CDH18: variants seen among roughly 807,000 people sequenced by gnomAD.
CDH18 encodes the protein cadherin-18.
Under a neutral mutation model 67.9 loss-of-function variants are expected in CDH18, and 31 were observed. The ratio of observed to expected loss-of-function variants is 0.46; its 90% CI spans 0.34 to 0.62. The LOEUF is 0.62. Ranked by LOEUF, CDH18 falls within the 20% of genes least tolerant of loss-of-function variation. The pLI is 0.01. For synonymous variants in CDH18, 362 were observed against 347.2 expected, an observed-to-expected ratio of 1.04 and a Z score of -0.48; for missense variants, 890 against 975.5, an observed-to-expected ratio of 0.91 and a Z score of 1.17.
intron 1 of CDH18, among the ~76,000 whole-genome samples, chr5:20,350,649 T>C (rs533418784): frequency 1.7e-4 from 26 of 152,224 alleles, no homozygotes; most frequent in Admixed American, 1.1e-3. Context: ...TTTCATGACT[T>C]TTATGGGTTT....
chr5:19,930,249 C>A (rs772219780), intron 2 of CDH18, among the ~76,000 whole-genome samples: 2 of 152,034 alleles, frequency 1.3e-5, no homozygotes, highest in African/African-American at 2.4e-5. Context: ...CTCAGGGAAT[C>A]TACTGCCAAA....
intron 11 of CDH18, among the ~76,000 whole-genome samples, chr5:19,493,243 C>T (rs557669016): frequency 2.3e-4 from 35 of 152,146 alleles, no homozygotes; most frequent in Admixed American, 3.9e-4. Context: ...TCATATCATC[C>T]TCATTTCCCC....
chr5:20,135,652 C>G (rs576637204), intron 2 of CDH18, among the ~76,000 whole-genome samples: 4 of 152,052 alleles, frequency 2.6e-5, no homozygotes, highest in Admixed American at 6.6e-5. Context: ...TGTGTTTGCT[C>G]TTGCTTCTTT....
At chr5:19,667,507 T>TACACACAC (rs35326145) in intron 5 of CDH18, among the ~76,000 whole-genome samples, 1 of 129,234 alleles carries the variant, frequency 7.7e-6, no homozygotes, top group African/African-American at 3.1e-5. Context: ...TATATATATA[T>TACACACAC]ACACACACAC....
At chr5:19,533,522 A>G (rs1449268397) in intron 9 of CDH18, among the ~76,000 whole-genome samples, 1 of 152,156 alleles carries the variant, frequency 6.6e-6, no homozygotes, top group African/African-American at 2.4e-5. Context: ...AGATGTTTTC[A>G]GGTTTTGTTT....
At position 19,781,822 on chromosome 5, in the gene CDH18, G is replaced by C. The variant is rs372792858; in HGVS notation, c.229-34586C>G. On this transcript the variant is annotated intron_variant, in intron 3 of 12. Coordinates refer to ENST00000382275, the MANE Select transcript of CDH18 (RefSeq NM_004934.5). ...GTCCCTTGTCTTGAATGAAAAGTGA[G>C]AGAAAACATTAAGTTTTTGACATCC... Among the ~76,000 whole-genome samples the C allele has an allele frequency of 1.1e-4, 17 of 152,200 alleles. No individual in the cohort carries two copies. The South Asian group carries it at 3.5e-3, about 32-fold the overall frequency.
chr5:19,742,189 C>T lies in CDH18; in HGVS notation c.523+4753G>A, dbSNP rs1222479021. ...ATACAACCACATTATGCTTTTCTCA[C>T]TGGCAATATAGCGCAGTGCAATTAC... On this transcript the variant is annotated intron_variant, in intron 4 of 12. Transcript: ENST00000382275. Among the ~76,000 whole-genome samples, 3 of 152,122 alleles carry T rather than the reference C, an allele frequency of 2.0e-5. No individual in the cohort carries two copies. The East Asian group carries it at 5.8e-4, about 29-fold the overall frequency.
At chr5:19,582,020 A>T (rs1438005904) in intron 7 of CDH18, among the ~76,000 whole-genome samples, 1 of 152,068 alleles carries the variant, frequency 6.6e-6, no homozygotes, top group African/African-American at 2.4e-5. Context: ...TTCTAAGGAC[A>T]CTGATACAAA....
intron 1 of CDH18, among the ~76,000 whole-genome samples, chr5:20,353,743 A>G (rs1741390248): frequency 6.6e-6 from 1 of 152,122 alleles, no homozygotes; most frequent in African/African-American, 2.4e-5. Flanking sequence ...CATTTATGTG[A>G]CTATTTCCCA....
Position 20,162,314 on chromosome 5 carries a change from T to A in CDH18, c.-518+93130A>T, listed in dbSNP as rs146743106. Among the ~76,000 whole-genome samples the A allele has an allele frequency of 1.8e-4, 28 of 151,654 alleles. 1 individual carries two copies. In the East Asian group the frequency reaches 3.9e-3, roughly 21 times the overall value. On this transcript the variant is annotated intron_variant, in intron 2 of 14. Transcript: ENST00000507958. Reference sequence around the variant, plus strand: ...CAAAGTTGGTTTTCTCTTTTTAATTTTACGAAGTACTTTTAGTACTTTGCA... The same window carrying A: ...CAAAGTTGGTTTTCTCTTTTTAATTATACGAAGTACTTTTAGTACTTTGCA...
intron 4 of CDH18, among the ~76,000 whole-genome samples, chr5:19,727,936 C>T (rs1040802866): frequency 1.3e-5 from 2 of 152,154 alleles, no homozygotes; most frequent in Non-Finnish European, 1.5e-5. Context: ...TTTTATCACT[C>T]GTTAAAAGTT....
intron 7 of CDH18, among the ~76,000 whole-genome samples, chr5:19,580,624 A>C (rs1342602516): frequency 6.6e-6 from 1 of 151,892 alleles, no homozygotes; most frequent in African/African-American, 2.4e-5. Context: ...CTATGCCCTA[A>C]ACAATTAACA....
intron 2 of CDH18, among the ~76,000 whole-genome samples, chr5:19,903,295 C>A (rs186037377): frequency 9.9e-4 from 150 of 151,190 alleles, no homozygotes; most frequent in African/African-American, 3.6e-3. Flanking sequence ...AGTGTTAGAT[C>A]ACATTTTTAG....
chr5:20,210,253 C>A (rs999952863), intron 2 of CDH18, among the ~76,000 whole-genome samples: 1 of 151,786 alleles, frequency 6.6e-6, no homozygotes, highest in Non-Finnish European at 1.5e-5. Context: ...TATCTACTTT[C>A]TAAGTTAATT....
intron 5 of CDH18, among the ~76,000 whole-genome samples, chr5:19,720,681 T>C (rs925516547): frequency 3.3e-5 from 5 of 152,122 alleles, no homozygotes; most frequent in Non-Finnish European, 7.4e-5. Flanking sequence ...TATGATATGA[T>C]TGACATGATA....
intron 5 of CDH18, 62 bp downstream of exon 5, chr5:19,721,285 C>A: frequency 1.4e-6 from 2 of 1,453,582 alleles, no homozygotes; most frequent in South Asian, 3.1e-5. Flanking sequence ...GAAATAAAAA[C>A]CATTGCTTTG....
chr5:20,204,440 A>C (rs978132660), intron 2 of CDH18, among the ~76,000 whole-genome samples: 1 of 152,074 alleles, frequency 6.6e-6, no homozygotes, highest in Non-Finnish European at 1.5e-5. Context: ...TTTTTCCCAA[A>C]CAATACCTGA....
chr5:19,692,600 T>C (rs576287847), intron 5 of CDH18, among the ~76,000 whole-genome samples: 2 of 151,986 alleles, frequency 1.3e-5, no homozygotes, highest in East Asian at 3.9e-4. Context: ...AATAAAACGA[T>C]ATGCAAATGG....
intron 2 of CDH18, among the ~76,000 whole-genome samples, chr5:20,086,267 A>G (rs572312655): frequency 6.6e-6 from 1 of 152,354 alleles, no homozygotes; most frequent in South Asian, 2.1e-4. Context: ...GAAAGCTGCA[A>G]GGAAAATTTG....
Sources: gnomAD v4.1 joint callset for allele counts (sites outside exome capture counted in the v4.1 genomes callset) on GRCh38, gnomAD v4.1.1 for gene constraint, MANE v1.5 for transcripts, NCBI Gene and HGNC (gene_info 2026-07-23, HGNC 2026-07-21) for gene names.